SGIP1: variants seen among roughly 807,000 people sequenced by gnomAD.
The protein encoded by SGIP1 is SH3GL interacting endocytic adaptor 1.
Under a neutral mutation model 107.5 loss-of-function variants are expected in SGIP1, and 38 were observed. The observed-to-expected ratio is 0.35, with a 90% CI of 0.27 to 0.46. The LOEUF is 0.46. SGIP1 is among the 20% of genes least tolerant of loss of function. The pLI, the probability that SGIP1 is intolerant of heterozygous loss-of-function variation, is 1.00. For missense variants in SGIP1, 929 were observed against 1,019.5 expected (o/e 0.91, Z 1.21); for synonymous variants, 365 against 366.1 (o/e 1.00, Z 0.03).
At chr1:66,627,545 AG>A (rs1297228413) in intron 2 of SGIP1, among the ~76,000 whole-genome samples, 1 of 152,182 alleles carries the variant, frequency 6.6e-6, no homozygotes, top group East Asian at 1.9e-4. Flanking sequence ...TTTAAGCCAA[AG>A]AGTGCAAAGG....
intron 1 of SGIP1, among the ~76,000 whole-genome samples, chr1:66,568,265 A>G (rs1361994728): frequency 4.6e-5 from 7 of 151,946 alleles, no homozygotes; most frequent in African/African-American, 1.7e-4. Context: ...CTTTTTGCCC[A>G]TTGTGAATGG....
At chr1:66,590,049 A>G (rs2063369568) in intron 1 of SGIP1, among the ~76,000 whole-genome samples, 1 of 152,332 alleles carries the variant, frequency 6.6e-6, no homozygotes, top group African/African-American at 2.4e-5. Flanking sequence ...AAGTGACTCT[A>G]GGTACTAAAG....
chr1:66,566,584 G>C (rs1240836186), intron 1 of SGIP1, among the ~76,000 whole-genome samples: 1 of 151,862 alleles, frequency 6.6e-6, no homozygotes, highest in Non-Finnish European at 1.5e-5. Flanking sequence ...GATGGGTCTA[G>C]TTTTTCATCT....
chr1:66,676,779 A>C (rs936273240), intron 12 of SGIP1, among the ~76,000 whole-genome samples: 1 of 152,046 alleles, frequency 6.6e-6, no homozygotes, highest in Non-Finnish European at 1.5e-5. Context: ...TTATGTAGCT[A>C]TATGTACACA....
intron 12 of SGIP1, among the ~76,000 whole-genome samples, chr1:66,675,594 C>T (rs12402709): frequency 0.27 from 35,394 of 129,130 alleles, 6,181 homozygotes; most frequent in East Asian, 0.8. Context: ...GGCTGGAATA[C>T]AGTGGCAAGT....
At chr1:66,639,214 GA>G (rs755552777) in intron 4 of SGIP1, among the ~76,000 whole-genome samples, 1 of 151,926 alleles carries the variant, frequency 6.6e-6, no homozygotes, top group Non-Finnish European at 1.5e-5. Context: ...AAAGCCATTT[GA>G]AAAAAACATT....
intron 3 of SGIP1, among the ~76,000 whole-genome samples, chr1:66,633,679 T>A (rs911075903): frequency 6.6e-6 from 1 of 152,132 alleles, no homozygotes; most frequent in Admixed American, 6.6e-5. Context: ...TTTAAAGAAG[T>A]CCGTGGTGCA....
intron 17 of SGIP1, among the ~76,000 whole-genome samples, chr1:66,693,688 A>G (rs2090333661): frequency 6.6e-6 from 1 of 152,206 alleles, no homozygotes; most frequent in Admixed American, 6.5e-5. Context: ...AATCCCAATT[A>G]CTTGCATTTG....
In SGIP1 at chr1:66,641,327, A is replaced by G. The variant is rs568791405; in HGVS notation, c.229-1483A>G. Among the ~76,000 whole-genome samples the G allele has an allele frequency of 8.5e-5, 13 of 152,310 alleles. 1 individual carries two copies. The East Asian group carries it at 2.5e-3, about 29-fold the overall frequency. On this transcript the variant is annotated intron_variant, in intron 5 of 24. Coordinates refer to ENST00000371037, the MANE Select transcript of SGIP1 (RefSeq NM_032291.4). ...TACACCTTAAATATAGACAATAAAAAAGATTTTTTTAATGGGGGCTTTTTC... is the reference window on the plus strand; with the variant it reads ...TACACCTTAAATATAGACAATAAAAGAGATTTTTTTAATGGGGGCTTTTTC...
chr1:66,641,806 A>C (rs1272941026), intron 5 of SGIP1, among the ~76,000 whole-genome samples: 1 of 151,872 alleles, frequency 6.6e-6, no homozygotes, highest in East Asian at 1.9e-4. Context: ...AATTAGTTCA[A>C]CTGGGAGTAC....
upstream of SGIP1, among the ~76,000 whole-genome samples, chr1:66,533,960 G>A (rs1433826025): frequency 6.6e-6 from 1 of 151,488 alleles, no homozygotes; most frequent in African/African-American, 2.4e-5. Context: ...CTGTGTATTT[G>A]GTGACAAGCG....
At chr1:66,699,454 G>C (rs1459203220) in intron 18 of SGIP1, among the ~76,000 whole-genome samples, 1 of 152,130 alleles carries the variant, frequency 6.6e-6, no homozygotes, top group East Asian at 1.9e-4. Flanking sequence ...GACATAGAGT[G>C]TACGTGTGTG....
At chr1:66,658,914 G>C (rs1429491465) in intron 7 of SGIP1, among the ~76,000 whole-genome samples, 2 of 152,180 alleles carry the variant, frequency 1.3e-5, no homozygotes, top group Non-Finnish European at 2.9e-5. Flanking sequence ...CTTGAAGAAT[G>C]AGTAATTTTG....
At chr1:66,647,663 G>C (rs561611183) in intron 7 of SGIP1, among the ~76,000 whole-genome samples, 6 of 152,260 alleles carry the variant, frequency 3.9e-5, no homozygotes, top group African/African-American at 1.4e-4. Flanking sequence ...AATCCAGAAT[G>C]TTCTAAAATA....
intron 11 of SGIP1, among the ~76,000 whole-genome samples, chr1:66,672,346 T>A (rs1170727586): frequency 1.3e-5 from 2 of 152,190 alleles, no homozygotes; most frequent in Non-Finnish European, 2.9e-5. Flanking sequence ...GCCTATTTAG[T>A]TGGATACCAT....
intron 12 of SGIP1, among the ~76,000 whole-genome samples, chr1:66,675,541 CTTTTTT>C: frequency 8.9e-6 from 1 of 112,378 alleles, no homozygotes; most frequent in African/African-American, 3.9e-5. Flanking sequence ...CTTTTTCTTT[CTTTTTT>C]TTTTTTTTTT....
chr1:66,675,541 C>CTTTTTTTTTTTTTTTTTTTTTTTTTT (rs71242802), intron 12 of SGIP1, among the ~76,000 whole-genome samples: 2 of 112,392 alleles, frequency 1.8e-5, no homozygotes, highest in Admixed American at 1.1e-4. Context: ...CTTTTTCTTT[C>CTTTTTTTTTTTTTTTTTTTTTTTTTT]TTTTTTTTTT....
intron 2 of SGIP1, among the ~76,000 whole-genome samples, chr1:66,632,664 T>A (rs1013852103): frequency 1.3e-5 from 2 of 152,050 alleles, no homozygotes; most frequent in Non-Finnish European, 2.9e-5. Flanking sequence ...CAAAAATACA[T>A]AGATGAGAGA....
chr1:66,652,991 T>A (rs2079050559), intron 7 of SGIP1, among the ~76,000 whole-genome samples: 1 of 152,110 alleles, frequency 6.6e-6, no homozygotes, highest in Admixed American at 6.5e-5. Context: ...ACCAGGGATA[T>A]CAAACATGGG....
Sources: allele counts gnomAD v4.1 joint callset (sites outside exome capture counted in the v4.1 genomes callset), GRCh38; gene constraint gnomAD v4.1.1; transcripts MANE v1.5; gene names NCBI Gene and HGNC (gene_info 2026-07-23, HGNC 2026-07-21).